Variants in CLIC5 observed in about 807,000 individuals in gnomAD.
The protein encoded by CLIC5 is CLIC family member 5.
A neutral mutation model predicts 24.7 loss-of-function variants in CLIC5; 20 were observed. That is an observed-to-expected ratio of 0.81 (90% CI 0.57 to 1.18). The LOEUF (loss-of-function observed/expected upper bound fraction) is 1.18. CLIC5 is among the 50% of genes most tolerant of loss of function. The pLI, the probability that CLIC5 is intolerant of heterozygous loss-of-function variation, is 0.00. For synonymous variants in CLIC5, 159 were observed against 135.6 expected, an observed-to-expected ratio of 1.17 and a Z score of -1.20; for missense variants, 341 against 326.1, an observed-to-expected ratio of 1.05 and a Z score of -0.35.
rs1317457484 is a variant in CLIC5 at position 45,891,858 on chromosome 6, T to TATAA, written c.624-10674_624-10671dup. Among the ~76,000 whole-genome samples, 13 of 152,270 alleles carry TATAA rather than the reference T, an allele frequency of 8.5e-5. No individual in the cohort carries two copies. The South Asian group carries it at 2.5e-3, about 29-fold the overall frequency. Reference sequence around the variant, plus strand: ...GTGTTTTCCTTTTTGAATTAAAAAATATAAATAAATAAATGTACAACTGTA... The same window carrying TATAA: ...GTGTTTTCCTTTTTGAATTAAAAAATATAAATAAATAAATAAATGTACAACTGTA... On this transcript the variant is annotated intron_variant, in intron 6 of 6. Transcript: ENST00000644324.
chr6:46,102,532 T>C, the CLIC5 span: 1 of 152,330 alleles, frequency 6.6e-6, no homozygotes, highest in Non-Finnish European at 1.5e-5. Flanking sequence ...CTGGTTTTTA[T>C]GACTCACCTT....
At chr6:45,952,257 C>T (rs1379052301) in intron 2 of CLIC5, among the ~76,000 whole-genome samples, 2 of 152,172 alleles carry the variant, frequency 1.3e-5, no homozygotes, top group African/African-American at 4.8e-5. Flanking sequence ...TCTTTGTTGA[C>T]CCTGCTTCAG....
chr6:45,944,818 T>C (rs568933275), intron 3 of CLIC5, among the ~76,000 whole-genome samples: 1 of 152,338 alleles, frequency 6.6e-6, no homozygotes, highest in Admixed American at 6.5e-5. Context: ...CCTGATGGAA[T>C]GGCCTTGCTG....
At chr6:46,118,358 T>C in the CLIC5 span, among the ~76,000 whole-genome samples, 59 of 152,202 alleles carry the variant, frequency 3.9e-4, 3 homozygotes, top group Non-Finnish European at 1.2e-4. Flanking sequence ...TCAATAAATA[T>C]TGATGATGAT....
At chr6:45,974,493 G>GTATATA (rs1294058722) in intron 1 of CLIC5, among the ~76,000 whole-genome samples, 7 of 85,406 alleles carry the variant, frequency 8.2e-5, no homozygotes, top group South Asian at 5.1e-4. Context: ...CTGTGTGTGT[G>GTATATA]TGTGTATATA....
intron 2 of CLIC5, among the ~76,000 whole-genome samples, chr6:45,950,171 A>T (rs1027792332): frequency 6.6e-6 from 1 of 152,244 alleles, no homozygotes; most frequent in Non-Finnish European, 1.5e-5. Flanking sequence ...AGAAAGCCTT[A>T]CGATTCAAGC....
chr6:46,060,606 G>T (rs919033842), intron 1 of CLIC5, among the ~76,000 whole-genome samples: 2 of 152,168 alleles, frequency 1.3e-5, no homozygotes, highest in Non-Finnish European at 2.9e-5. Flanking sequence ...GCTTGAGAGT[G>T]TATGCTTTGA....
At chr6:46,029,829 C>T (rs961601051) in intron 1 of CLIC5, among the ~76,000 whole-genome samples, 2 of 152,144 alleles carry the variant, frequency 1.3e-5, no homozygotes, top group Non-Finnish European at 2.9e-5. Context: ...ACAAGTAGTT[C>T]GCTCCCATTC....
chr6:46,055,079 A>C (rs1309428732), intron 1 of CLIC5, among the ~76,000 whole-genome samples: 1 of 152,188 alleles, frequency 6.6e-6, no homozygotes, highest in Non-Finnish European at 1.5e-5. Context: ...TTCCCGAAGA[A>C]CATTGTCAGT....
At chr6:45,948,885 C>T (rs572045711) in intron 3 of CLIC5, among the ~76,000 whole-genome samples, 3 of 150,780 alleles carry the variant, frequency 2.0e-5, no homozygotes, top group African/African-American at 4.8e-5. Flanking sequence ...GTCAGGCTTT[C>T]GGCTCTGGTT....
intron 1 of CLIC5, among the ~76,000 whole-genome samples, chr6:45,978,385 C>A (rs1340190656): frequency 6.6e-6 from 1 of 151,988 alleles, no homozygotes; most frequent in Non-Finnish European, 1.5e-5. Context: ...CGTAAGCTTT[C>A]CAATAAAAAT....
intron 1 of CLIC5, among the ~76,000 whole-genome samples, chr6:46,006,389 C>A (rs913835356): frequency 6.6e-6 from 1 of 151,536 alleles, no homozygotes; most frequent in Non-Finnish European, 1.5e-5. Flanking sequence ...CATGATCTGC[C>A]CACCTCAGCC....
chr6:45,941,402 C>CA (rs1554148931), intron 4 of CLIC5, 145 bp downstream of exon 4: 8 of 636,944 alleles, frequency 1.3e-5, no homozygotes, highest in South Asian at 3.6e-5. Context: ...ATGGTGGTGG[C>CA]GGGGGGTGGG....
intron 5 of CLIC5, chr6:45,912,828 A>T (rs919882176): frequency 1.1e-6 from 1 of 924,946 alleles, no homozygotes; most frequent in Non-Finnish European, 1.7e-6. Context: ...CCTACAAGTG[A>T]CTATTGGCTT....
the CLIC5 span, among the ~76,000 whole-genome samples, chr6:46,106,596 T>C: frequency 6.6e-6 from 1 of 152,222 alleles, no homozygotes; most frequent in Non-Finnish European, 1.5e-5. Flanking sequence ...TTCAAATAGA[T>C]TGGTCTCCAA....
rs547493322 is a variant in CLIC5 at position 45,943,975 on chromosome 6, A to C, written c.300-2322T>G. 5.9e-5 allele frequency among the ~76,000 whole-genome samples: 9 copies of C among 152,316 alleles called. No individual in the cohort carries two copies. In the South Asian group the frequency reaches 1.7e-3, roughly 28 times the overall value. The stretch of plus-strand genomic sequence containing the variant: ...ATAAGTGCATTCATTTTACCTCCAT[A>C]TTTATGGCGTGTTTTAAATATGCAA... On this transcript the variant is annotated intron_variant, in intron 3 of 5. Transcript: ENST00000339561.
chr6:46,092,121 C>T, the CLIC5 span, among the ~76,000 whole-genome samples: 182 of 152,248 alleles, frequency 1.2e-3, 1 homozygote, highest in African/African-American at 4.0e-3. Flanking sequence ...CTACTCTATA[C>T]GCAATTCATT....
At chr6:46,060,698 G>A (rs1208879969) in intron 1 of CLIC5, among the ~76,000 whole-genome samples, 1 of 152,014 alleles carries the variant, frequency 6.6e-6, no homozygotes, top group African/African-American at 2.4e-5. Context: ...TCTCTTCCCT[G>A]ATCCTACCTG....
chr6:46,048,159 C>T (rs1045151044), intron 1 of CLIC5, among the ~76,000 whole-genome samples: 4 of 152,138 alleles, frequency 2.6e-5, no homozygotes, highest in East Asian at 1.9e-4. Context: ...CATGCCACCA[C>T]GCCTGGTTAA....
Sources: allele counts gnomAD v4.1 joint callset (sites outside exome capture counted in the v4.1 genomes callset), GRCh38; gene constraint gnomAD v4.1.1; transcripts MANE v1.5; gene names NCBI Gene and HGNC (gene_info 2026-07-23, HGNC 2026-07-21).